The following MCF2L variants were observed in gnomAD, a reference collection of about 807,000 sequenced individuals.
MCF2L encodes the protein guanine nucleotide exchange factor DBS.
A neutral mutation model predicts 153.4 loss-of-function variants in MCF2L; 97 were observed. The ratio of observed to expected loss-of-function variants is 0.63; its 90% CI spans 0.54 to 0.75. The LOEUF is 0.75. MCF2L is among the 30% of genes least tolerant of loss of function. MCF2L has a pLI of 0.00. For missense variants in MCF2L, 1,347 were observed against 1,495.2 expected, an observed-to-expected ratio of 0.90 and a Z score of 1.64; for synonymous variants, 659 against 632.2, an observed-to-expected ratio of 1.04 and a Z score of -0.64.
In MCF2L at chr13:113,074,248, A is replaced by T. The variant is rs2033205437; in HGVS notation, c.997-196A>T. 6.6e-6 allele frequency among the ~76,000 whole-genome samples: 1 copy of T among 152,132 alleles called. No homozygotes were observed. The highest frequency in any genetic ancestry group is 2.4e-5 in the African/African-American group (1 of 41,436). On this transcript the variant is annotated intron_variant, in intron 9 of 29. Coordinates refer to ENST00000535094, the MANE Select transcript of MCF2L (RefSeq NM_001112732.3). This position sits in a 1 kb window ranked among gnomAD's most constrained non-coding sequence, Gnocchi z 4.2. ...TCACTGGTGGGTAGCGTCGACCCAG[A>T]GGCCCCACGGTCCCCGCTTGATTGG...
intron 2 of MCF2L, among the ~76,000 whole-genome samples, chr13:112,915,253 C>T (rs2081278974): frequency 6.6e-6 from 1 of 151,696 alleles, no homozygotes; most frequent in Admixed American, 6.6e-5. Flanking sequence ...ACTAAAAATA[C>T]AACAAATTAG....
At chr13:112,999,352 G>T (rs1465443846) in intron 1 of MCF2L, among the ~76,000 whole-genome samples, 10 of 149,964 alleles carry the variant, frequency 6.7e-5, no homozygotes, top group Admixed American at 6.6e-4. Flanking sequence ...ATTTCTCGGG[G>T]TCCTTGCATC....
chr13:112,965,883 T>G (rs1477442077), upstream of MCF2L: 1 of 152,196 alleles, frequency 6.6e-6, no homozygotes, highest in Non-Finnish European at 1.5e-5. Context: ...GACACACGGC[T>G]TGGGACCTTA....
chr13:112,922,181 G>T (rs1037735247), intron 2 of MCF2L, among the ~76,000 whole-genome samples: 2 of 152,096 alleles, frequency 1.3e-5, no homozygotes, highest in Non-Finnish European at 2.9e-5. Flanking sequence ...AAATTTGAAA[G>T]CGTAGAAGAA....
chr13:113,048,337 C>T (rs1463753300), intron 4 of MCF2L, among the ~76,000 whole-genome samples: 1 of 152,080 alleles, frequency 6.6e-6, no homozygotes. Flanking sequence ...TCAGAATTGA[C>T]CAACATTGGT....
intron 4 of MCF2L, among the ~76,000 whole-genome samples, chr13:113,047,840 T>C (rs1407247030): frequency 1.2e-5 from 1 of 81,848 alleles, no homozygotes; most frequent in Non-Finnish European, 2.6e-5. Context: ...GCGTGCCCTG[T>C]CCCCTCTGCT....
rs533571340 is a variant in MCF2L at position 112,941,543 on chromosome 13, G to A, written c.169+39172G>A. On this transcript the variant is annotated intron_variant, in intron 2 of 29. Coordinates refer to the MCF2L transcript ENST00000375608. This position sits in a 1 kb window ranked among gnomAD's most constrained non-coding sequence, Gnocchi z 4.9. ...AGGCGGGCGCAGGTGTGGATGTCAGGTGATCGAGTTCACAAACAGCCTTGA... is the reference window on the plus strand; with the variant it reads ...AGGCGGGCGCAGGTGTGGATGTCAGATGATCGAGTTCACAAACAGCCTTGA... Among the ~76,000 whole-genome samples the A allele has an allele frequency of 1.7e-4, 26 of 151,728 alleles. No homozygotes were observed. The highest frequency in any genetic ancestry group is 7.2e-4 in the Admixed American group (11 of 15,232).
intron 1 of MCF2L, among the ~76,000 whole-genome samples, chr13:112,986,224 C>T (rs933807826): frequency 4.0e-5 from 6 of 150,142 alleles, no homozygotes; most frequent in Admixed American, 6.6e-5. Context: ...AGGATGGGGC[C>T]GCGGCCGGAT....
At chr13:113,094,854 GCTC>G (rs1338781807) in intron 27 of MCF2L, 1 of 1,089,996 alleles carries the variant, frequency 9.2e-7, no homozygotes, top group African/African-American at 1.6e-5. Context: ...CACAGCCCCA[GCTC>G]CTCCTAACTC....
chr13:112,985,316 T>C (rs2082589619), intron 1 of MCF2L: 6 of 447,610 alleles, frequency 1.3e-5, no homozygotes, highest in South Asian at 6.3e-5. Flanking sequence ...AGAAAGGTCC[T>C]GTTACAAGGA....
At chr13:113,094,429 G>A (rs976661202) in intron 26 of MCF2L, 85 bp from the exon 27 acceptor site, 16 of 1,442,156 alleles carry the variant, frequency 1.1e-5, no homozygotes, top group African/African-American at 2.8e-5. Flanking sequence ...CAGGGGGTCT[G>A]TGGGACTTAG....
chr13:113,061,593 C>T (rs1044968146), intron 5 of MCF2L, among the ~76,000 whole-genome samples: 6 of 151,702 alleles, frequency 4.0e-5, no homozygotes, highest in Non-Finnish European at 7.4e-5. Flanking sequence ...TCCCCACCCT[C>T]GTTGCGCTAC....
chr13:113,048,510 A>G (rs1769579651), intron 4 of MCF2L, among the ~76,000 whole-genome samples: 1 of 110,794 alleles, frequency 9.0e-6, no homozygotes, highest in Admixed American at 1.0e-4. Context: ...GCGCGATCTC[A>G]GCTCACTGCA....
At chr13:113,076,945 A>G in intron 12 of MCF2L, 107 bp from the exon 13 acceptor site, 1 of 1,235,732 alleles carries the variant, frequency 8.1e-7, no homozygotes, top group Non-Finnish European at 1.1e-6. Flanking sequence ...CATGGAGAAC[A>G]TTTAAAGCGG....
chr13:113,071,870 T>G (rs1475990114), intron 9 of MCF2L, among the ~76,000 whole-genome samples: 20 of 152,262 alleles, frequency 1.3e-4, no homozygotes, highest in African/African-American at 4.6e-4. Context: ...TCATGGCAAT[T>G]TTAAAATTAT....
chr13:113,095,206 G>C, intron 27 of MCF2L: 1 of 1,230,050 alleles, frequency 8.1e-7, no homozygotes, highest in South Asian at 1.4e-5. Flanking sequence ...TTCCAGTGAG[G>C]GTTACACCAA....
chr13:113,086,078 G>C, intron 20 of MCF2L, 46 bp from the exon 21 acceptor site: 1 of 1,575,024 alleles, frequency 6.3e-7, no homozygotes, highest in Non-Finnish European at 8.6e-7. Context: ...AGGGGAGCCA[G>C]GGCTCTCCGT....
chr13:112,938,457 T>C (rs182913276), intron 2 of MCF2L, among the ~76,000 whole-genome samples: 1 of 152,116 alleles, frequency 6.6e-6, no homozygotes, highest in Non-Finnish European at 1.5e-5. Flanking sequence ...ATAGGCCCAG[T>C]TGGGCACTCC....
intron 1 of MCF2L, among the ~76,000 whole-genome samples, chr13:112,974,886 G>A (rs2082163404): frequency 6.6e-6 from 1 of 152,190 alleles, no homozygotes; most frequent in African/African-American, 2.4e-5. Context: ...GAGCCAAGCT[G>A]GTTCTGCAGC....
Sources: gnomAD v4.1 joint callset for allele counts (sites outside exome capture counted in the v4.1 genomes callset) on GRCh38, gnomAD v4.1.1 for gene constraint, Gnocchi (gnomAD v3.1) non-coding constraint, MANE v1.5 for transcripts, NCBI Gene and HGNC (gene_info 2026-07-23, HGNC 2026-07-21) for gene names.